HPSE2: variants seen among roughly 807,000 people sequenced by gnomAD.
HPSE2 encodes the protein inactive heparanase-2.
HPSE2 carries 38 observed loss-of-function variants against 60.5 expected under a neutral mutation model. That is an observed-to-expected ratio of 0.63 (90% CI 0.48 to 0.82). The LOEUF (loss-of-function observed/expected upper bound fraction) is 0.82. Among genes scored for constraint, HPSE2 ranks in the 40% least tolerant of loss-of-function variants. The pLI is 0.00. For synonymous variants in HPSE2, 295 were observed against 293.2 expected (o/e 1.01, Z -0.06); for missense variants, 713 against 740.4 (o/e 0.96, Z 0.43).
intron 3 of HPSE2, among the ~76,000 whole-genome samples, chr10:99,001,329 C>T (rs1956772814): frequency 6.6e-6 from 1 of 152,018 alleles, no homozygotes; most frequent in Admixed American, 6.6e-5. Flanking sequence ...ATACTTCATT[C>T]CTGGAACCTT....
chr10:99,144,871 C>T (rs1245207122), intron 2 of HPSE2, among the ~76,000 whole-genome samples: 2 of 152,184 alleles, frequency 1.3e-5, no homozygotes, highest in Non-Finnish European at 2.9e-5. Context: ...CACCTGCCAG[C>T]CAGCCTACTC....
At chr10:98,841,225 C>T (rs879407109) in intron 3 of HPSE2, among the ~76,000 whole-genome samples, 1 of 152,148 alleles carries the variant, frequency 6.6e-6, no homozygotes, top group East Asian at 1.9e-4. Flanking sequence ...ACCACTGCAT[C>T]CAGCCTGGGC....
upstream of HPSE2, among the ~76,000 whole-genome samples, chr10:99,240,598 G>C (rs770408773): frequency 6.6e-6 from 1 of 151,902 alleles, no homozygotes; most frequent in Non-Finnish European, 1.5e-5. Flanking sequence ...TTTTTTAGTG[G>C]AGACAGGGTT....
intron 3 of HPSE2, among the ~76,000 whole-genome samples, chr10:99,063,251 C>T (rs946229273): frequency 2.0e-5 from 3 of 151,474 alleles, no homozygotes; most frequent in Non-Finnish European, 4.4e-5. Flanking sequence ...ATATTTATGA[C>T]AAGTATTTAA....
intron 10 of HPSE2, among the ~76,000 whole-genome samples, chr10:98,487,046 T>A (rs1458770923): frequency 6.6e-6 from 1 of 152,212 alleles, no homozygotes; most frequent in Non-Finnish European, 1.5e-5. Context: ...CCCAAAAGGC[T>A]TAATTTTCCT....
chr10:98,914,736 T>C (rs987719848), intron 3 of HPSE2, among the ~76,000 whole-genome samples: 2 of 151,314 alleles, frequency 1.3e-5, no homozygotes, highest in South Asian at 2.1e-4. Context: ...CCAGGTCCTA[T>C]GAAAAACCAC....
chr10:98,599,578 T>TACAG (rs1181513061), intron 9 of HPSE2, among the ~76,000 whole-genome samples: 1 of 152,158 alleles, frequency 6.6e-6, no homozygotes. Context: ...TTTTATTGGG[T>TACAG]ACAGTCCTGG....
At chr10:98,508,501 T>C (rs1212226640) in intron 9 of HPSE2, among the ~76,000 whole-genome samples, 1 of 152,236 alleles carries the variant, frequency 6.6e-6, no homozygotes, top group Non-Finnish European at 1.5e-5. Flanking sequence ...GAATGCCTAC[T>C]ATGATTAAGT....
intron 9 of HPSE2, among the ~76,000 whole-genome samples, chr10:98,518,761 A>G (rs1591304194): frequency 6.6e-6 from 1 of 152,016 alleles, no homozygotes; most frequent in East Asian, 1.9e-4. Context: ...GGTTGTTGTG[A>G]AAATTAACAA....
intron 3 of HPSE2, among the ~76,000 whole-genome samples, chr10:98,864,539 G>C (rs2134795161): frequency 6.6e-6 from 1 of 152,126 alleles, no homozygotes; most frequent in South Asian, 2.1e-4. Context: ...CATTTTATTA[G>C]ATGACACTGA....
intron 3 of HPSE2, among the ~76,000 whole-genome samples, chr10:98,976,714 A>T (rs972885450): frequency 6.6e-6 from 1 of 150,942 alleles, no homozygotes; most frequent in South Asian, 2.1e-4. Context: ...CGGACTGACA[A>T]TTGTTGCTAT....
At position 98,993,380 on chromosome 10, in the gene HPSE2, A is replaced by T. The variant is rs1039820637; in HGVS notation, c.610+150858T>A. On this transcript the variant is annotated intron_variant, in intron 3 of 11. Coordinates refer to ENST00000370552, the MANE Select transcript of HPSE2 (RefSeq NM_021828.5). ...GTATCACAATGATTTGTTAAAATTG[A>T]ATATGGTTGTCCTCTTGGACATCAA... Among the ~76,000 whole-genome samples the T allele has an allele frequency of 7.2e-5, 11 of 152,232 alleles. No homozygotes were observed. In the East Asian group the frequency reaches 1.2e-3, roughly 16 times the overall value.
the HPSE2 span, among the ~76,000 whole-genome samples, chr10:99,260,141 A>G: frequency 1.3e-4 from 20 of 152,182 alleles, no homozygotes; most frequent in African/African-American, 4.8e-4. Flanking sequence ...AATCAGAAAT[A>G]TTGTTAAAGT....
At chr10:99,282,554 A>G in the HPSE2 span, among the ~76,000 whole-genome samples, 1 of 152,210 alleles carries the variant, frequency 6.6e-6, no homozygotes, top group Non-Finnish European at 1.5e-5. Context: ...CTACCCAACA[A>G]TAACAGAACG....
At chr10:98,895,635 T>G (rs536843580) in intron 3 of HPSE2, among the ~76,000 whole-genome samples, 1 of 152,046 alleles carries the variant, frequency 6.6e-6, no homozygotes, top group Non-Finnish European at 1.5e-5. Context: ...CTCATGCACA[T>G]GTATGTTTAT....
chr10:98,505,250 C>G (rs1385587249), intron 9 of HPSE2, among the ~76,000 whole-genome samples: 2 of 152,152 alleles, frequency 1.3e-5, no homozygotes, highest in Admixed American at 6.5e-5. Context: ...CAGCTGGGTG[C>G]TTCAAAGAAA....
chr10:99,094,523 T>TATATATATATATATAC (rs1843634019), intron 3 of HPSE2, among the ~76,000 whole-genome samples: 1 of 18,860 alleles, frequency 5.3e-5, no homozygotes, highest in Admixed American at 9.1e-4. Flanking sequence ...TTCATATATA[T>TATATATATATATATAC]ATATATATAT....
chr10:98,978,813 C>T (rs1956143792), intron 3 of HPSE2, among the ~76,000 whole-genome samples: 1 of 152,170 alleles, frequency 6.6e-6, no homozygotes, highest in African/African-American at 2.4e-5. Flanking sequence ...TCTGCATTTG[C>T]ATATTTGTCT....
intron 9 of HPSE2, among the ~76,000 whole-genome samples, chr10:98,515,208 G>T (rs1942562447): frequency 6.6e-6 from 1 of 152,098 alleles, no homozygotes; most frequent in African/African-American, 2.4e-5. Context: ...GACAGGGTAG[G>T]ATCCAGGTAC....
Sources: allele counts gnomAD v4.1 joint callset (sites outside exome capture counted in the v4.1 genomes callset), GRCh38; gene constraint gnomAD v4.1.1; transcripts MANE v1.5; gene names NCBI Gene and HGNC (gene_info 2026-07-23, HGNC 2026-07-21).